PEX7: variants seen among roughly 807,000 people sequenced by gnomAD.
PEX7 encodes PTS2 receptor.
In PEX7, 34 loss-of-function variants were observed where a neutral mutation model predicts 47.5. The observed-to-expected ratio is 0.72, with a 90% confidence interval of 0.54 to 0.95. The LOEUF (loss-of-function observed/expected upper bound fraction) is 0.95. Among genes scored for constraint, PEX7 ranks in the 40% least tolerant of loss-of-function variants. The pLI is 0.00. For missense variants in PEX7, 394 were observed against 400.3 expected, an observed-to-expected ratio of 0.98 and a Z score of 0.13; for synonymous variants, 141 against 148.8, an observed-to-expected ratio of 0.95 and a Z score of 0.38.
intron 8 of PEX7, among the ~76,000 whole-genome samples, chr6:136,873,413 G>T (rs1406709564): frequency 6.6e-6 from 1 of 152,062 alleles, no homozygotes; most frequent in Non-Finnish European, 1.5e-5. Context: ...TGAGTTAAAA[G>T]GTAAACATAT....
intron 8 of PEX7, among the ~76,000 whole-genome samples, chr6:136,895,211 G>C (rs1775628459): frequency 6.6e-6 from 1 of 152,104 alleles, no homozygotes; most frequent in Non-Finnish European, 1.5e-5. Context: ...AACAATGGTT[G>C]CTAATTAGAG....
rs1222157585 is a variant in PEX7, at chr6:136,826,330, A to G, written c.200A>G (p.Asn67Ser). ...TTTTCCTAGTGTAGCTTTGACTGGA[A>G]TGATGGTTTGTTTGATGTGACTTGG... ...GLRLFRSFDW[N>S]DGLFDVTWSE... The change falls in exon 3 of 10, where the codon AAT becomes AGT. Residue 67 changes from asparagine to serine, a missense_variant. Asn to Ser is a conservative substitution (Grantham distance 46). Coordinates refer to ENST00000318471, the MANE Select transcript of PEX7 (RefSeq NM_000288.4). 2 of 1,613,946 alleles carry G rather than the reference A, an allele frequency of 1.2e-6. No homozygotes were observed. The highest frequency in any genetic ancestry group is 1.7e-6 in the Non-Finnish European group (2 of 1,180,020).
Position 136,822,637 on chromosome 6 carries a change from G to T in PEX7, c.-29G>T. The T allele has an allele frequency of 6.6e-7, 1 of 1,523,242 alleles. No homozygotes were observed. The highest frequency in any genetic ancestry group is 2.1e-4 in the Middle Eastern group (1 of 4,816). The allele number at this position is 1,523,242 out of a possible 1,614,324, so 94.4% of individuals were successfully genotyped here. ...GACTCGGAACGGCTTCCGCGGCCGG[G>T]GCAGCGAGGGCCGGGGGCGGCGGGC... On this transcript the variant is annotated 5_prime_UTR_variant, in exon 1 of 10. Transcript: ENST00000318471.
intron 9 of PEX7, among the ~76,000 whole-genome samples, chr6:136,903,176 CT>C (rs1775782432): frequency 6.6e-6 from 1 of 152,106 alleles, no homozygotes. Flanking sequence ...GTGACTACCC[CT>C]GTATAACCAC....
intron 5 of PEX7, among the ~76,000 whole-genome samples, chr6:136,846,443 A>G (rs1774602660): frequency 6.6e-6 from 1 of 151,984 alleles, no homozygotes; most frequent in African/African-American, 2.4e-5. Flanking sequence ...TGCTGCACCC[A>G]TTAACTCATC....
intron 9 of PEX7, among the ~76,000 whole-genome samples, chr6:136,908,888 CA>C (rs759799698): frequency 7.4e-4 from 112 of 152,316 alleles, no homozygotes; most frequent in Middle Eastern, 3.4e-3. Context: ...AAAACAGCAA[CA>C]AATGCTGTCT....
At chr6:136,860,024 AAAAG>A (rs1408661785) in intron 5 of PEX7, among the ~76,000 whole-genome samples, 17 of 152,040 alleles carry the variant, frequency 1.1e-4, no homozygotes, top group Non-Finnish European at 2.5e-4. Flanking sequence ...GAAAAAAAAA[AAAAG>A]AAAAAAAAAT....
At chr6:136,838,613 A>G (rs1432625089) in intron 3 of PEX7, among the ~76,000 whole-genome samples, 2 of 152,186 alleles carry the variant, frequency 1.3e-5, no homozygotes, top group Non-Finnish European at 2.9e-5. Flanking sequence ...AAATGATATT[A>G]AGTAGCCATT....
At chr6:136,824,512 A>G (rs1388832767) in intron 1 of PEX7, among the ~76,000 whole-genome samples, 1 of 152,168 alleles carries the variant, frequency 6.6e-6, no homozygotes, top group African/African-American at 2.4e-5. Flanking sequence ...CTGTAATGCT[A>G]CTTAAAATCT....
chr6:136,833,596 G>T (rs1774333767), intron 3 of PEX7, among the ~76,000 whole-genome samples: 2 of 152,082 alleles, frequency 1.3e-5, no homozygotes. Context: ...ATTTAGTCAT[G>T]CCCAGCCATT....
At chr6:136,866,129 C>T (rs1198876851) in intron 5 of PEX7, among the ~76,000 whole-genome samples, 1 of 147,930 alleles carries the variant, frequency 6.8e-6, no homozygotes, top group Non-Finnish European at 1.5e-5. Context: ...AATTTTTTAG[C>T]TTTTTTTTTT....
At chr6:136,846,629 T>G (rs1202019013) in intron 5 of PEX7, among the ~76,000 whole-genome samples, 1 of 152,206 alleles carries the variant, frequency 6.6e-6, no homozygotes, top group Non-Finnish European at 1.5e-5. Context: ...TTGCTCAGAA[T>G]GATGGTTTCC....
chr6:136,823,449 T>G, intron 1 of PEX7: 1 of 714,272 alleles, frequency 1.4e-6, no homozygotes, highest in Non-Finnish European at 1.7e-6. Flanking sequence ...TTAAAGCTGC[T>G]CAGGAGGCTG....
chr6:136,829,936 TAAAAG>T (rs1335365930), intron 3 of PEX7: 14 of 692,876 alleles, frequency 2.0e-5, no homozygotes, highest in African/African-American at 3.6e-5. Flanking sequence ...GACCCTGTCT[TAAAAG>T]AAAGTTATTA....
chr6:136,872,726 G>A (rs1359807580), intron 8 of PEX7, among the ~76,000 whole-genome samples: 1 of 152,136 alleles, frequency 6.6e-6, no homozygotes, highest in African/African-American at 2.4e-5. Context: ...AGATAAGAGT[G>A]TGTGTGGGTG....
At chr6:136,845,478 T>G in intron 3 of PEX7, 137 bp from the exon 4 acceptor site, 1 of 707,872 alleles carries the variant, frequency 1.4e-6, no homozygotes, top group Non-Finnish European at 2.6e-6. Context: ...GACACCTTGT[T>G]GAGATGGATA....
chr6:136,856,291 T>TAA (rs397759780), intron 5 of PEX7, among the ~76,000 whole-genome samples: 36 of 70,578 alleles, frequency 5.1e-4, no homozygotes, highest in African/African-American at 1.1e-3. Flanking sequence ...TGGTTGAAAG[T>TAA]AAAAAAAAAA....
intron 5 of PEX7, among the ~76,000 whole-genome samples, chr6:136,865,094 T>C (rs567172914): frequency 6.6e-6 from 1 of 152,318 alleles, no homozygotes; most frequent in Non-Finnish European, 1.5e-5. Context: ...TTTAATTGGG[T>C]GTCTGTGCAA....
intron 5 of PEX7, among the ~76,000 whole-genome samples, chr6:136,858,995 T>C (rs959078948): frequency 2.0e-5 from 3 of 152,262 alleles, no homozygotes; most frequent in Middle Eastern, 6.3e-3. Context: ...TGGAAGCTTA[T>C]GTGATAGGCA....
Sources: allele counts gnomAD v4.1 joint callset (sites outside exome capture counted in the v4.1 genomes callset), GRCh38; gene constraint gnomAD v4.1.1; transcripts MANE v1.5; gene names NCBI Gene and HGNC (gene_info 2026-07-23, HGNC 2026-07-21).